ERI1: variants seen among roughly 807,000 people sequenced by gnomAD.
ERI1 encodes exoribonuclease 1.
A neutral mutation model predicts 39.7 loss-of-function variants in ERI1; 39 were observed. The ratio of observed to expected loss-of-function variants is 0.98; its 90% CI spans 0.76 to 1.28. The LOEUF (loss-of-function observed/expected upper bound fraction) is 1.28, where lower values mean the gene tolerates loss of function less well. Among genes scored for constraint, ERI1 ranks in the 50% most tolerant of loss-of-function variants. The probability of loss-of-function intolerance (pLI) is 0.00; values close to 1 mark genes in which losing one functional copy is unlikely to be tolerated. For synonymous variants in ERI1, 204 were observed against 149.6 expected, an observed-to-expected ratio of 1.36 and a Z score of -2.65; for missense variants, 581 against 416.9, an observed-to-expected ratio of 1.39 and a Z score of -3.43.
At chr8:9,072,560 C>A (rs938715687) in intron 3 of ERI1, 12 of 152,088 alleles carry the variant, frequency 7.9e-5, no homozygotes, top group Non-Finnish European at 1.3e-4. Flanking sequence ...CCTGAAGGAT[C>A]CTTCCGTCGC....
downstream of ERI1, among the ~76,000 whole-genome samples, chr8:9,037,983 A>G (rs1264261607): frequency 6.6e-6 from 1 of 152,170 alleles, no homozygotes; most frequent in Non-Finnish European, 1.5e-5. Flanking sequence ...TGATTTTTCA[A>G]ACTTTTTTGC....
At chr8:9,089,771 G>A (rs998190906) in intron 3 of ERI1, among the ~76,000 whole-genome samples, 1 of 152,104 alleles carries the variant, frequency 6.6e-6, no homozygotes, top group African/African-American at 2.4e-5. Flanking sequence ...CCCACCATTA[G>A]GAAAAACAGA....
chr8:9,093,032 T>C (rs990419035), intron 3 of ERI1, among the ~76,000 whole-genome samples: 1 of 152,232 alleles, frequency 6.6e-6, no homozygotes, highest in Non-Finnish European at 1.5e-5. Context: ...CGTGTGAGTA[T>C]GTCTGTCTCC....
At chr8:9,019,622 A>G (rs1817673191) in intron 5 of ERI1, among the ~76,000 whole-genome samples, 2 of 152,176 alleles carry the variant, frequency 1.3e-5, no homozygotes, top group South Asian at 4.1e-4. Flanking sequence ...AGGGAAGGTG[A>G]GGTTGCGTCA....
chr8:9,051,867 A>G (rs918883039), intron 3 of ERI1, among the ~76,000 whole-genome samples: 1 of 152,184 alleles, frequency 6.6e-6, no homozygotes, highest in Non-Finnish European at 1.5e-5. Flanking sequence ...TTTGGACTAT[A>G]ATTGCTTAAA....
intron 3 of ERI1, among the ~76,000 whole-genome samples, chr8:9,064,161 G>A (rs1292345829): frequency 6.6e-6 from 1 of 150,814 alleles, no homozygotes; most frequent in African/African-American, 2.4e-5. Context: ...TAAGAGATCG[G>A]GGCATGGAAA....
chr8:9,056,248 G>C (rs531320429), intron 3 of ERI1, among the ~76,000 whole-genome samples: 1 of 152,162 alleles, frequency 6.6e-6, no homozygotes, highest in South Asian at 2.1e-4. Context: ...AGCTGGATGG[G>C]GCACTCCCTG....
intron 6 of ERI1, among the ~76,000 whole-genome samples, chr8:9,027,616 A>C (rs1026189704): frequency 6.6e-6 from 1 of 152,148 alleles, no homozygotes; most frequent in Admixed American, 6.6e-5. Flanking sequence ...TGAATGTCTT[A>C]CATTTAGGTC....
chr8:9,091,449 A>AG (rs1172437029), intron 3 of ERI1: 4 of 151,532 alleles, frequency 2.6e-5, no homozygotes, highest in African/African-American at 9.7e-5. Flanking sequence ...TGCACCCAGG[A>AG]GGAGGAGGAG....
chr8:9,017,514 A>G (rs529990095), intron 4 of ERI1, among the ~76,000 whole-genome samples: 16 of 152,206 alleles, frequency 1.1e-4, no homozygotes, highest in South Asian at 2.1e-4. Context: ...CAGTGGTCAC[A>G]GTAGGCCTAA....
chr8:9,051,657 C>CAA (rs11439065), intron 3 of ERI1, among the ~76,000 whole-genome samples: 28 of 141,154 alleles, frequency 2.0e-4, no homozygotes, highest in Non-Finnish European at 2.2e-4. Context: ...GACCCTGTCT[C>CAA]AAAAAAAAAA....
rs900992946 is a variant in ERI1 at position 9,003,299 on chromosome 8, C to T, written c.108+128C>T. 13 of 500,552 alleles carry T rather than the reference C, an allele frequency of 2.6e-5. 1 individual carries two copies. The Middle Eastern group carries it at 1.7e-3, about 64-fold the overall frequency. 31.0% of individuals were successfully genotyped at this position (500,552 alleles called of 1,614,324 possible). A position where few individuals can be genotyped will look rare whatever the true frequency, so the allele number is the denominator to read the frequency against. On this transcript the variant is annotated intron_variant, in intron 1 of 6. Transcript: ENST00000250263. ...TGCGCCCTTGGACCCCAGCCTCTTC[C>T]TCGGTGCCCAGCTCCCTGGCTTTAT... is the stretch of plus-strand genomic sequence containing the variant.
At chr8:9,083,519 G>C (rs1481741216) in intron 3 of ERI1, among the ~76,000 whole-genome samples, 1 of 151,960 alleles carries the variant, frequency 6.6e-6, no homozygotes, top group Non-Finnish European at 1.5e-5. Flanking sequence ...GAACCACCTT[G>C]TACTCAGTAT....
At chr8:9,018,654 C>G (rs1291615303) in intron 5 of ERI1, among the ~76,000 whole-genome samples, 3 of 152,172 alleles carry the variant, frequency 2.0e-5, no homozygotes, top group Non-Finnish European at 4.4e-5. Flanking sequence ...TTTGCTAAAA[C>G]TCTGTTTTTT....
chr8:9,054,491 A>G (rs963945149), intron 3 of ERI1, among the ~76,000 whole-genome samples: 1 of 152,228 alleles, frequency 6.6e-6, no homozygotes, highest in African/African-American at 2.4e-5. Flanking sequence ...CCCCTACAAC[A>G]AAAGACAGGA....
chr8:9,018,653 ACT>A (rs1452500055), intron 5 of ERI1, among the ~76,000 whole-genome samples: 1 of 152,044 alleles, frequency 6.6e-6, no homozygotes, highest in Non-Finnish European at 1.5e-5. Context: ...CTTTGCTAAA[ACT>A]CTGTTTTTTC....
chr8:9,087,280 C>G (rs1353951700), intron 3 of ERI1, among the ~76,000 whole-genome samples: 6 of 151,436 alleles, frequency 4.0e-5, no homozygotes, highest in Non-Finnish European at 8.8e-5. Flanking sequence ...AGTTTCACTC[C>G]TGTTGCCCAG....
chr8:9,015,738 A>AAAAAAAAAAAAAAAAAAAAAG (rs1563318556), intron 3 of ERI1, among the ~76,000 whole-genome samples: 1 of 151,130 alleles, frequency 6.6e-6, no homozygotes, highest in African/African-American at 2.4e-5. Context: ...AAAAAAAAAA[A>AAAAAAAAAAAAAAAAAAAAAG]AAAGAGACCA....
intron 3 of ERI1, among the ~76,000 whole-genome samples, chr8:9,084,298 A>G (rs1184113843): frequency 6.6e-6 from 1 of 151,998 alleles, no homozygotes; most frequent in Admixed American, 6.6e-5. Context: ...ATTCCACCAC[A>G]TTTTTGTCCA....
Sources: allele counts gnomAD v4.1 joint callset (sites outside exome capture counted in the v4.1 genomes callset), GRCh38; gene constraint gnomAD v4.1.1; transcripts MANE v1.5; gene names NCBI Gene and HGNC (gene_info 2026-07-23, HGNC 2026-07-21).